Variants in CHAF1A observed in about 807,000 individuals in gnomAD.
CHAF1A encodes the protein CAF-1 subunit A.
In CHAF1A, 5 loss-of-function variants were observed where a neutral mutation model predicts 93.2. The ratio of observed to expected loss-of-function variants is 0.05; its 90% CI spans 0.03 to 0.11. The LOEUF (loss-of-function observed/expected upper bound fraction) is 0.11, where lower values mean the gene tolerates loss of function less well. Among genes scored for constraint, CHAF1A ranks in the 10% least tolerant of loss-of-function variants. The pLI, the probability that CHAF1A is intolerant of heterozygous loss-of-function variation, is 1.00. For missense variants in CHAF1A, 1,102 were observed against 1,259.9 expected, an observed-to-expected ratio of 0.87 and a Z score of 1.90; for synonymous variants, 504 against 510.3, an observed-to-expected ratio of 0.99 and a Z score of 0.17.
At position 4,433,218 on chromosome 19, in the gene CHAF1A, C is replaced by T. The variant is rs1038909798; in HGVS notation, c.2352C>T (p.Pro784=). 6.2e-7 allele frequency: 1 copy of T among 1,614,028 alleles called. No individual in the cohort carries two copies. Among genetic ancestry groups the T allele is most frequent in the Admixed American group, 1.7e-5 (1 of 60,008 alleles). The change falls in exon 13 of 15, where the codon CCC becomes CCT. Residue 784 remains proline, a synonymous_variant. Transcript: ENST00000301280. This position sits in a 1 kb window ranked among gnomAD's most constrained non-coding sequence, Gnocchi z 5.6. ...RSPSTTYLHT[P]TPSEDAAIPS... is the part of the protein sequence containing the mutation. ...CCTCCACCACCTACCTGCACACCCC[C>T]ACCCCCAGCGAGGATGCCGCCATCC...
chr19:4,429,298 T>G, intron 8 of CHAF1A, 140 bp from the exon 9 acceptor site: 1 of 964,148 alleles, frequency 1.0e-6, no homozygotes, highest in Non-Finnish European at 1.5e-6. Context: ...TGACCTTTCT[T>G]TGGGGACAGG....
chr19:4,424,503 A>AC (rs1350618809), intron 7 of CHAF1A, among the ~76,000 whole-genome samples: 1 of 152,102 alleles, frequency 6.6e-6, no homozygotes, highest in Non-Finnish European at 1.5e-5. Context: ...TCTCACTGTC[A>AC]CCCAGGCTGT....
chr19:4,428,225 C>T (rs1487871536), intron 7 of CHAF1A, among the ~76,000 whole-genome samples: 1 of 151,352 alleles, frequency 6.6e-6, no homozygotes, highest in Non-Finnish European at 1.5e-5. Flanking sequence ...CTCCTGACCT[C>T]AGGTGATCCG....
downstream of CHAF1A, chr19:4,445,218 C>T: frequency 2.4e-6 from 1 of 418,946 alleles, no homozygotes; most frequent in East Asian, 5.1e-5. Context: ...GTCTGTCCGG[C>T]AGCTTCATGA....
At chr19:4,446,219 G>A (rs1431421485), downstream of CHAF1A, 7 of 1,586,610 alleles carry the variant, frequency 4.4e-6, no homozygotes, top group African/African-American at 8.1e-5. Context: ...GGGAGTCAGA[G>A]CGGGTGGGGC....
At chr19:4,428,625 A>G (rs1445753230) in intron 7 of CHAF1A, 39 bp from the exon 8 acceptor site, 1 of 1,569,822 alleles carries the variant, frequency 6.4e-7, no homozygotes, top group Non-Finnish European at 8.8e-7. Flanking sequence ...CCTTTCTCCC[A>G]TTGCTCGAAG....
intron 3 of CHAF1A, among the ~76,000 whole-genome samples, chr19:4,410,569 CAG>C (rs71166993): frequency 2.0e-3 from 303 of 152,104 alleles, no homozygotes; most frequent in Admixed American, 5.6e-3. Context: ...TTAGTAGAGA[CAG>C]GGTTTCACTA....
intron 3 of CHAF1A, among the ~76,000 whole-genome samples, chr19:4,414,166 C>T (rs780612883): frequency 8.6e-5 from 13 of 151,972 alleles, no homozygotes; most frequent in Non-Finnish European, 1.5e-4. Context: ...TTTGGGAAGC[C>T]GAGGTGGGAG....
Position 4,429,798 on chromosome 19 carries a change from T to G in CHAF1A, c.1854+10T>G. On this transcript the variant is annotated intron_variant, in intron 10 of 14. Coordinates refer to ENST00000301280, the MANE Select transcript of CHAF1A (RefSeq NM_005483.3). ...GTCCCACAGTGAGGGGGTAAGGATG[T>G]GCCCCAGCTGTCTTCACTCACAGAC... The G allele has an allele frequency of 6.2e-7, 1 of 1,606,664 alleles. No individual in the cohort carries two copies. The highest frequency in any genetic ancestry group is 2.2e-5 in the East Asian group (1 of 44,846).
chr19:4,408,461 CTTTTTTTT>C lies in CHAF1A; in HGVS notation c.104-419_104-412del, dbSNP rs778100682. ...CCTGCCTTGGCCTCCCGCACCCGGC[CTTTTTTTT>C]TTTTTTTTTTTTTTTTTTTTTTGAG... On this transcript the variant is annotated intron_variant, in intron 2 of 14. Coordinates refer to ENST00000301280, the MANE Select transcript of CHAF1A (RefSeq NM_005483.3). Among the ~76,000 whole-genome samples the C allele has an allele frequency of 1.1e-3, 40 of 36,012 alleles. 1 individual carries two copies. The East Asian group carries it at 0.011, about 10-fold the overall frequency. The allele number at this position is 36,012 out of a possible 152,430, so 23.6% of individuals were successfully genotyped here. A position where few individuals can be genotyped will look rare whatever the true frequency, so the allele number is the denominator to read the frequency against.
intron 7 of CHAF1A, among the ~76,000 whole-genome samples, chr19:4,426,560 T>C (rs1974085270): frequency 6.6e-6 from 1 of 151,316 alleles, no homozygotes; most frequent in South Asian, 2.1e-4. Flanking sequence ...CCACAACCTC[T>C]GCCTCCTGCG....
rs755188149 is a variant in CHAF1A at position 4,409,175 on chromosome 19, C to G, written c.376C>G (p.Gln126Glu). ...TGATTTGACAGAGGACTCGAATGAG[C>G]AGCCAGACAGTCTTGTGGACCACAA... ...IIDLTEDSNEQPDSLVDHNKL... is the reference protein window; with the variant it reads ...IIDLTEDSNEEPDSLVDHNKL... Residue 126 changes from glutamine (Q) to glutamate (E), a missense_variant, in exon 3 of 15, where the codon CAG (glutamine) becomes GAG (glutamate). Physicochemically the swap from Gln to Glu is conservative, Grantham distance 29 (BLOSUM62 2). Transcript: ENST00000301280. 6.2e-7 allele frequency: 1 copy of G among 1,614,202 alleles called. No individual in the cohort carries two copies. The highest frequency in any genetic ancestry group is 8.5e-7 in the Non-Finnish European group (1 of 1,180,044).
intron 13 of CHAF1A, among the ~76,000 whole-genome samples, chr19:4,437,453 ATCC>A (rs1010637265): frequency 4.6e-5 from 7 of 151,928 alleles, no homozygotes; most frequent in Non-Finnish European, 1.0e-4. Context: ...GGCGCAAGTG[ATCC>A]TCCTGCCTCA....
chr19:4,406,543 TCC>T (rs1392218065), intron 2 of CHAF1A, among the ~76,000 whole-genome samples: 1 of 151,570 alleles, frequency 6.6e-6, no homozygotes, highest in Non-Finnish European at 1.5e-5. Flanking sequence ...CAAGCAATTC[TCC>T]TCCTTCAGCC....
Position 4,433,545 on chromosome 19 carries a change from G to T in CHAF1A, c.2673+6G>T, listed in dbSNP as rs1281175712. 2 of 1,565,202 alleles carry T rather than the reference G, an allele frequency of 1.3e-6. No individual in the cohort carries two copies. Among genetic ancestry groups the T allele is most frequent in the Non-Finnish European group, 1.7e-6 (2 of 1,147,876 alleles). ...AGCGCAGGCACGACGGCCAGGTGAGGTGGGGTGGGCAGGTGGGGGCCTCTG... is the reference window on the plus strand; with the variant it reads ...AGCGCAGGCACGACGGCCAGGTGAGTTGGGGTGGGCAGGTGGGGGCCTCTG... On this transcript the variant is annotated splice_donor_region_variant and intron_variant, in intron 13 of 14. Transcript: ENST00000301280. The surrounding 1 kb of genome is among the most constrained non-coding windows in gnomAD (Gnocchi z 5.6).
At chr19:4,405,353 C>T (rs1044492403) in intron 1 of CHAF1A, among the ~76,000 whole-genome samples, 2 of 152,130 alleles carry the variant, frequency 1.3e-5, no homozygotes, top group South Asian at 2.1e-4. Context: ...GGCCAAGCGC[C>T]GTGGCCAGCA....
In CHAF1A at chr19:4,422,315, A is replaced by G. The variant is rs1974004629; in HGVS notation, c.1018-251A>G. On this transcript the variant is annotated intron_variant, in intron 4 of 14. Transcript: ENST00000301280. The surrounding 1 kb of genome is among the most constrained non-coding windows in gnomAD (Gnocchi z 4.6). ...AGGCGTGAACCACCGCGCGCAGCCA[A>G]TTTTTGTATTTTTAGTAGAGACAGG... is the stretch of plus-strand genomic sequence containing the variant. Among the ~76,000 whole-genome samples, 1 of 149,588 alleles carries G rather than the reference A, an allele frequency of 6.7e-6. No homozygotes were observed. Among genetic ancestry groups the G allele is most frequent in the Non-Finnish European group, 1.5e-5 (1 of 67,668 alleles).
At chr19:4,425,649 A>G (rs1192580567) in intron 7 of CHAF1A, among the ~76,000 whole-genome samples, 1 of 152,202 alleles carries the variant, frequency 6.6e-6, no homozygotes. Context: ...GCCTGCCACT[A>G]TCTCAACCTC....
downstream of CHAF1A, among the ~76,000 whole-genome samples, chr19:4,444,031 G>A (rs537409148): frequency 2.0e-5 from 3 of 152,340 alleles, no homozygotes; most frequent in East Asian, 5.8e-4. Flanking sequence ...CCTTCCTGCT[G>A]GGAAGCAGGA....
Sources: allele counts gnomAD v4.1 joint callset (sites outside exome capture counted in the v4.1 genomes callset), GRCh38; gene constraint gnomAD v4.1.1; non-coding constraint Gnocchi (gnomAD v3.1); transcripts MANE v1.5; gene names NCBI Gene and HGNC (gene_info 2026-07-23, HGNC 2026-07-21).